The following SLC35F2 variants were observed in gnomAD, a reference collection of about 807,000 sequenced individuals.
SLC35F2 encodes queuine/queuosine transporter SLC35F2.
Under a neutral mutation model 38.1 loss-of-function variants are expected in SLC35F2, and 25 were observed. That is an observed-to-expected ratio of 0.66 (90% CI 0.48 to 0.92). SLC35F2 has a LOEUF of 0.92. Ranked by LOEUF, SLC35F2 falls within the 40% of genes least tolerant of loss-of-function variation. The pLI is 0.00. For synonymous variants in SLC35F2, 173 were observed against 181.7 expected, an observed-to-expected ratio of 0.95 and a Z score of 0.38; for missense variants, 409 against 452.9, an observed-to-expected ratio of 0.90 and a Z score of 0.88.
At chr11:107,801,793 T>C (rs944950432) in intron 7 of SLC35F2, among the ~76,000 whole-genome samples, 6 of 152,106 alleles carry the variant, frequency 3.9e-5, no homozygotes, top group Non-Finnish European at 5.9e-5. Context: ...AATAATGAAA[T>C]TAAGGTGGAA....
At chr11:107,798,592 G>A (rs1859256928) in intron 7 of SLC35F2, among the ~76,000 whole-genome samples, 1 of 152,128 alleles carries the variant, frequency 6.6e-6, no homozygotes, top group Non-Finnish European at 1.5e-5. Flanking sequence ...AGTTTCTTGC[G>A]ATTACTTTAT....
At position 107,811,777 on chromosome 11, in the gene SLC35F2, C is replaced by G. The variant is rs1859484289; in HGVS notation, c.304G>C (p.Val102Leu). 6.2e-7 allele frequency: 1 copy of G among 1,613,850 alleles called. No homozygotes were observed. The highest frequency in any genetic ancestry group is 1.3e-5 in the African/African-American group (1 of 75,026). ...TTCCACCATTTTCTTTTCAAGATTA[C>G]TAAAAGGTTATCACTGCCTGGTTGA... ...AFRSGSDNLL[V>L]ILKRKWWKYI... The change falls in exon 3 of 8, where the codon GTA becomes CTA. Residue 102 changes from valine (V) to leucine (L), a missense_variant. Coordinates refer to ENST00000525815, the MANE Select transcript of SLC35F2 (RefSeq NM_017515.5).
intron 1 of SLC35F2, among the ~76,000 whole-genome samples, chr11:107,857,860 C>A (rs1183862106): frequency 6.6e-6 from 1 of 152,106 alleles, no homozygotes; most frequent in Non-Finnish European, 1.5e-5. Context: ...AGTACCATCT[C>A]CTAAAGTGGT....
chr11:107,854,442 GATAATA>G (rs36043913), intron 1 of SLC35F2, among the ~76,000 whole-genome samples: 2 of 151,142 alleles, frequency 1.3e-5, no homozygotes, highest in Admixed American at 1.3e-4. Context: ...AAAAAATGAT[GATAATA>G]ATAATAATAA....
intron 1 of SLC35F2, among the ~76,000 whole-genome samples, chr11:107,837,846 C>T (rs556799782): frequency 4.7e-4 from 71 of 151,972 alleles, no homozygotes; most frequent in Admixed American, 2.0e-4. Flanking sequence ...TTTATATGTT[C>T]CACTTGCTTT....
At chr11:107,811,872 G>C in intron 2 of SLC35F2, 78 bp from the exon 3 acceptor site, 8 of 1,301,304 alleles carry the variant, frequency 6.1e-6, no homozygotes, top group Non-Finnish European at 8.5e-6. Flanking sequence ...TAAAAGAGTA[G>C]AAGCAAGAGT....
chr11:107,844,560 T>C (rs1180510117), intron 1 of SLC35F2, among the ~76,000 whole-genome samples: 4 of 151,054 alleles, frequency 2.6e-5, no homozygotes, highest in Non-Finnish European at 4.4e-5. Context: ...AGGCGGAAGT[T>C]GCAGTGAACT....
At chr11:107,801,267 T>C (rs78003278) in intron 7 of SLC35F2, among the ~76,000 whole-genome samples, 3,549 of 152,274 alleles carry the variant, frequency 0.023, 138 homozygotes, top group African/African-American at 0.081. Context: ...TTCATCGTCT[T>C]GCAAGTGCAC....
intron 1 of SLC35F2, among the ~76,000 whole-genome samples, chr11:107,851,615 C>A (rs1264335138): frequency 6.6e-6 from 1 of 150,896 alleles, no homozygotes; most frequent in Non-Finnish European, 1.5e-5. Context: ...TTATACAATG[C>A]CTATTGGAAT....
intron 1 of SLC35F2, among the ~76,000 whole-genome samples, chr11:107,829,132 A>G (rs1241285181): frequency 6.7e-6 from 1 of 149,834 alleles, no homozygotes; most frequent in Non-Finnish European, 1.5e-5. Flanking sequence ...AGGAAAAAAA[A>G]AAAAGAAAAA....
chr11:107,852,023 C>T (rs1025899685), intron 1 of SLC35F2, among the ~76,000 whole-genome samples: 5 of 152,012 alleles, frequency 3.3e-5, no homozygotes, highest in African/African-American at 7.3e-5. Flanking sequence ...CTAAATGACT[C>T]CTTCAAAAAT....
At position 107,852,874 on chromosome 11, in the gene SLC35F2, C is replaced by CA. The variant is rs11385907; in HGVS notation, c.110+5783dup. 5.0e-3 allele frequency among the ~76,000 whole-genome samples: 608 copies of CA among 120,940 alleles called. 8 individuals are homozygous for CA. Among genetic ancestry groups the CA allele is most frequent in the Middle Eastern group, 8.9e-3 (2 of 224 alleles). The allele number at this position is 120,940 out of a possible 152,430, so 79.3% of individuals were successfully genotyped here. A position where few individuals can be genotyped will look rare whatever the true frequency, so the allele number is the denominator to read the frequency against. On this transcript the variant is annotated intron_variant, in intron 1 of 7. Transcript: ENST00000525815. ...TGGGCAACAGAACAAGACTCCATCT[C>CA]AAAAAAAAAAAAAAAAAAATTTAGC...
intron 1 of SLC35F2, among the ~76,000 whole-genome samples, chr11:107,839,912 T>G (rs1461863330): frequency 6.6e-6 from 1 of 152,106 alleles, no homozygotes; most frequent in Non-Finnish European, 1.5e-5. Context: ...CTTGGCCTCC[T>G]AAAGTGCTGG....
intron 1 of SLC35F2, among the ~76,000 whole-genome samples, chr11:107,841,925 G>T (rs144788762): frequency 0.013 from 1,903 of 151,980 alleles, 50 homozygotes; most frequent in African/African-American, 0.043. Context: ...GATTAGCCGG[G>T]CGTGGTGGTG....
At chr11:107,801,969 T>A (rs937877734) in intron 7 of SLC35F2, among the ~76,000 whole-genome samples, 3 of 152,186 alleles carry the variant, frequency 2.0e-5, no homozygotes, top group African/African-American at 7.2e-5. Context: ...CCAGGCATGG[T>A]GGCTCACACC....
Position 107,834,378 on chromosome 11 carries a change from C to T in SLC35F2, c.111-18413G>A, listed in dbSNP as rs1007961782. Among the ~76,000 whole-genome samples the T allele has an allele frequency of 9.1e-4, 139 of 152,234 alleles. 1 individual carries two copies. The highest frequency in any genetic ancestry group is 8.1e-4 in the Non-Finnish European group (55 of 68,010). ...CGAAAATGAATGAAGCGGCTGGGCG[C>T]GGTGGCTCACCCCTGTAATCCCAGC... On this transcript the variant is annotated intron_variant, in intron 1 of 7. Transcript: ENST00000525815.
chr11:107,828,735 CA>C (rs1235335397), intron 1 of SLC35F2, among the ~76,000 whole-genome samples: 2 of 151,234 alleles, frequency 1.3e-5, no homozygotes, highest in African/African-American at 4.9e-5. Flanking sequence ...CTCCTAACAA[CA>C]AAAAAGAAAG....
intron 1 of SLC35F2, among the ~76,000 whole-genome samples, chr11:107,820,169 C>A (rs375520593): frequency 6.7e-6 from 1 of 150,178 alleles, no homozygotes; most frequent in Non-Finnish European, 1.5e-5. Context: ...GGAGGAAAAT[C>A]GCTTGAACCT....
At chr11:107,821,480 A>T in intron 1 of SLC35F2, 1 of 985,362 alleles carries the variant, frequency 1.0e-6, no homozygotes, top group Non-Finnish European at 1.2e-6. Flanking sequence ...GGGGGTAGGA[A>T]ATTGAGCAAA....
Sources: allele counts gnomAD v4.1 joint callset (sites outside exome capture counted in the v4.1 genomes callset), GRCh38; gene constraint gnomAD v4.1.1; transcripts MANE v1.5; gene names NCBI Gene and HGNC (gene_info 2026-07-23, HGNC 2026-07-21).